The following ARIH1 variants were observed in gnomAD, a reference collection of about 807,000 sequenced individuals.
ARIH1 encodes ariadne RBR E3 ubiquitin protein ligase 1, also known as E3 ubiquitin-protein ligase ARIH1.
ARIH1 carries 8 observed loss-of-function variants against 85.0 expected under a neutral mutation model. That is an observed-to-expected ratio of 0.09 (90% confidence interval 0.06 to 0.17). The LOEUF is 0.17. ARIH1 is among the 10% of genes least tolerant of loss of function. The probability of loss-of-function intolerance (pLI) is 1.00; values close to 1 mark genes in which losing one functional copy is unlikely to be tolerated. For missense variants in ARIH1, 311 were observed against 718.1 expected, an observed-to-expected ratio of 0.43 and a Z score of 6.48; for synonymous variants, 238 against 253.6, an observed-to-expected ratio of 0.94 and a Z score of 0.59.
chr15:72,514,519 G>T (rs78412052), intron 1 of ARIH1, among the ~76,000 whole-genome samples: 2 of 151,680 alleles, frequency 1.3e-5, no homozygotes, highest in Non-Finnish European at 2.9e-5. Context: ...CAGCTTGGGC[G>T]GTATACAAAA....
rs2063784852 is a variant in ARIH1 at position 72,474,510 on chromosome 15, C to T, written c.-130C>T. ...CCAACCGCCGCTCCTGGGGAGGAGC[C>T]GCGGCTCGCGGGGCCGGAGCCAGGC... On this transcript the variant is annotated 5_prime_UTR_variant, in exon 1 of 14. Coordinates refer to ENST00000379887, the MANE Select transcript of ARIH1 (RefSeq NM_005744.5). 2 of 1,225,918 alleles carry T rather than the reference C, an allele frequency of 1.6e-6. No individual in the cohort carries two copies. Among genetic ancestry groups the T allele is most frequent in the South Asian group, 1.6e-5 (1 of 62,086 alleles). The allele number at this position is 1,225,918 out of a possible 1,614,324, so 75.9% of individuals were successfully genotyped here.
chr15:72,591,945 G>A lies in ARIH1; in HGVS notation c.*8653G>A, dbSNP rs2064345208. On this transcript the variant is annotated 3_prime_UTR_variant, in exon 14 of 14. Coordinates refer to ENST00000379887, the MANE Select transcript of ARIH1 (RefSeq NM_005744.5). Reference sequence around the variant, plus strand: ...AGTGTCTACCTGCTTTGGAAAAGATGTCTGCCATGGATAGGAAATGATTTT... The same window carrying A: ...AGTGTCTACCTGCTTTGGAAAAGATATCTGCCATGGATAGGAAATGATTTT... The A allele has an allele frequency of 6.6e-6, 1 of 152,196 alleles. No homozygotes were observed. The highest frequency in any genetic ancestry group is 1.5e-5 in the Non-Finnish European group (1 of 68,040). The allele number at this position is 152,196 out of a possible 1,614,324, so 9.4% of individuals were successfully genotyped here.
intron 3 of ARIH1, among the ~76,000 whole-genome samples, chr15:72,553,667 C>T (rs917925097): frequency 6.6e-6 from 1 of 152,160 alleles, no homozygotes; most frequent in East Asian, 1.9e-4. Context: ...CGCCTGTAAT[C>T]TCAGCGCTTT....
intron 11 of ARIH1, among the ~76,000 whole-genome samples, chr15:72,576,520 A>C (rs1024143157): frequency 4.8e-4 from 73 of 151,664 alleles, no homozygotes; most frequent in Non-Finnish European, 3.5e-4. Flanking sequence ...AAAAAAAAAA[A>C]AAAAAAAAAA....
At position 72,524,304 on chromosome 15, in the gene ARIH1, T is replaced by G. The variant is rs188790629; in HGVS notation, c.443+6170T>G. Among the ~76,000 whole-genome samples, 44 of 148,198 alleles carry G rather than the reference T, an allele frequency of 3.0e-4. 1 individual carries two copies. The highest frequency in any genetic ancestry group is 2.4e-3 in the Admixed American group (35 of 14,410). On this transcript the variant is annotated intron_variant, in intron 2 of 13. Transcript: ENST00000379887. ...CTCGGTTGCCCAGGCTGGAGTGCAATGGTGCAATGTCCACTCATTGCAACC... is the reference window on the plus strand; with the variant it reads ...CTCGGTTGCCCAGGCTGGAGTGCAAGGGTGCAATGTCCACTCATTGCAACC...
intron 1 of ARIH1, among the ~76,000 whole-genome samples, chr15:72,492,546 G>A (rs935677902): frequency 1.3e-5 from 2 of 152,192 alleles, no homozygotes; most frequent in Non-Finnish European, 2.9e-5. Context: ...GAAAACTTAG[G>A]GAGTGGGCCT....
Position 72,484,171 on chromosome 15 carries a change from CAAA to C in ARIH1, c.375+9173_375+9175del, listed in dbSNP as rs35300595. Among the ~76,000 whole-genome samples the C allele has an allele frequency of 4.9e-3, 582 of 117,642 alleles. 3 individuals carry two copies. Among genetic ancestry groups the C allele is most frequent in the Middle Eastern group, 8.2e-3 (2 of 244 alleles). The allele number at this position is 117,642 out of a possible 152,430, so 77.2% of individuals were successfully genotyped here. ...CTGGGCAACAAGAGTGAAACTCCAT[CAAA>C]AAAAAAAAAAAAAAAGAAGAAAAGA... On this transcript the variant is annotated intron_variant, in intron 1 of 13. Transcript: ENST00000379887.
chr15:72,482,054 T>G (rs2063818633), intron 1 of ARIH1, among the ~76,000 whole-genome samples: 1 of 152,152 alleles, frequency 6.6e-6, no homozygotes, highest in African/African-American at 2.4e-5. Context: ...CAGGCTGATC[T>G]CGAACTCCTG....
chr15:72,545,180 T>G (rs1005885775), intron 3 of ARIH1, among the ~76,000 whole-genome samples: 2 of 152,182 alleles, frequency 1.3e-5, no homozygotes, highest in African/African-American at 4.8e-5. Flanking sequence ...CAGCAACAAC[T>G]TGTCCAAGTT....
At chr15:72,531,470 G>A (rs1020301986) in intron 2 of ARIH1, among the ~76,000 whole-genome samples, 3 of 152,160 alleles carry the variant, frequency 2.0e-5, no homozygotes, top group South Asian at 2.1e-4. Context: ...GTTTCGCCAC[G>A]TTGGCCAGGC....
intron 5 of ARIH1, among the ~76,000 whole-genome samples, chr15:72,557,564 T>G (rs1412324792): frequency 3.3e-5 from 5 of 152,228 alleles, no homozygotes; most frequent in Non-Finnish European, 5.9e-5. Context: ...TAAGTCCCAC[T>G]TGTCAATTTT....
chr15:72,489,147 G>GGA (rs1470995860), intron 1 of ARIH1, among the ~76,000 whole-genome samples: 1 of 151,566 alleles, frequency 6.6e-6, no homozygotes, highest in Non-Finnish European at 1.5e-5. Flanking sequence ...GGCTGAAGTG[G>GGA]GAGAAGAGGA....
rs1459003404 is a variant in ARIH1 at position 72,588,018 on chromosome 15, T to A, written c.*4726T>A. On this transcript the variant is annotated 3_prime_UTR_variant, in exon 14 of 14. Coordinates refer to ENST00000379887, the MANE Select transcript of ARIH1 (RefSeq NM_005744.5). ...GGACTATTTTCAGGGTAGGAGCCAG[T>A]TAAAGTTTGTATATCAGTCACACAT... 6.6e-6 allele frequency: 1 copy of A among 152,190 alleles called. No individual in the cohort carries two copies. Among genetic ancestry groups the A allele is most frequent in the African/African-American group, 2.4e-5 (1 of 41,454 alleles). The allele number at this position is 152,190 out of a possible 1,614,324, so 9.4% of individuals were successfully genotyped here. A position where few individuals can be genotyped will look rare whatever the true frequency, so the allele number is the denominator to read the frequency against.
At chr15:72,550,420 T>G (rs1331016339) in intron 3 of ARIH1, among the ~76,000 whole-genome samples, 1 of 152,206 alleles carries the variant, frequency 6.6e-6, no homozygotes, top group Non-Finnish European at 1.5e-5. Flanking sequence ...TATAAGCATG[T>G]GTATATGTTT....
intron 3 of ARIH1, among the ~76,000 whole-genome samples, chr15:72,548,850 T>C (rs1175338959): frequency 6.6e-6 from 1 of 152,208 alleles, no homozygotes. Flanking sequence ...ATTTTTGCTT[T>C]ATGCAGTGTC....
In ARIH1 at chr15:72,582,105, G is replaced by A. The variant is rs1203862513; in HGVS notation, c.1507G>A (p.Glu503Lys). ...CCAAGCAGATCTAGAGAATGCCACA[G>A]AGGTGCTCTCGGGCTACCTTGAACG... ...NNQADLENAT[E>K]VLSGYLERDI... Residue 503 changes from glutamate (E) to lysine (K), a missense_variant, in exon 13 of 14, where the codon GAG (glutamate) becomes AAG (lysine). By Grantham distance (56) the Glu-to-Lys change is moderately conservative. Around this residue, in one of 3 missense-constraint regions of ARIH1, gnomAD observed 50 missense variants for 311.7 expected, o/e 0.16. Transcript: ENST00000379887. The surrounding 1 kb of genome is among the most constrained non-coding windows in gnomAD (Gnocchi z 4.6). The A allele has an allele frequency of 6.2e-7, 1 of 1,613,390 alleles. No homozygotes were observed.
chr15:72,541,690 C>G (rs1353718652), intron 2 of ARIH1, among the ~76,000 whole-genome samples: 1 of 152,144 alleles, frequency 6.6e-6, no homozygotes, highest in African/African-American at 2.4e-5. Context: ...CAGGAATAAA[C>G]TTGTCTAAAT....
In ARIH1 at chr15:72,580,847, G is replaced by A. The variant is rs746532885; in HGVS notation, c.1332G>A (p.Glu444=). 2.5e-6 allele frequency: 4 copies of A among 1,614,170 alleles called. No homozygotes were observed. Among genetic ancestry groups the A allele is most frequent in the South Asian group, 1.1e-5 (1 of 91,080 alleles). ...LYAQVKQKME[E]MQQHNMSWIE... is the part of the protein sequence containing the mutation. ...CTCAGGTGAAACAGAAAATGGAGGA[G>A]ATGCAGCAGCACAACATGTCCTGGA... The change falls in exon 12 of 14, where the codon GAG becomes GAA. Residue 444 remains glutamate, a synonymous_variant. Transcript: ENST00000379887.
intron 11 of ARIH1, among the ~76,000 whole-genome samples, chr15:72,576,841 G>A (rs1395669510): frequency 6.6e-6 from 1 of 151,882 alleles, no homozygotes; most frequent in Non-Finnish European, 1.5e-5. Context: ...CCCTACCTCC[G>A]CAATGGAAAA....
Sources: gnomAD v4.1 joint callset for allele counts (sites outside exome capture counted in the v4.1 genomes callset) on GRCh38, gnomAD v4.1.1 for gene constraint, gnomAD v4.1.1 regional missense constraint, Gnocchi (gnomAD v3.1) non-coding constraint, MANE v1.5 for transcripts, NCBI Gene and HGNC (gene_info 2026-07-23, HGNC 2026-07-21) for gene names.